Variants in CCSER1 observed in about 807,000 individuals in gnomAD.
The protein encoded by CCSER1 is coiled-coil serine rich protein 1.
Under a neutral mutation model 82.0 loss-of-function variants are expected in CCSER1, and 41 were observed. The observed-to-expected ratio is 0.50, with a 90% CI of 0.39 to 0.65. The LOEUF (loss-of-function observed/expected upper bound fraction) is 0.65, where lower values mean the gene tolerates loss of function less well. CCSER1 is among the 30% of genes least tolerant of loss of function. The probability of loss-of-function intolerance (pLI) is 0.00; values close to 1 mark genes in which losing one functional copy is unlikely to be tolerated. For missense variants in CCSER1, 1,119 were observed against 1,064.2 expected, an observed-to-expected ratio of 1.05 and a Z score of -0.72; for synonymous variants, 414 against 383.9, an observed-to-expected ratio of 1.08 and a Z score of -0.92.
At chr4:91,534,837 A>C (rs747360432) in intron 10 of CCSER1, among the ~76,000 whole-genome samples, 16 of 151,900 alleles carry the variant, frequency 1.1e-4, no homozygotes, top group Non-Finnish European at 1.8e-4. Flanking sequence ...TCAATCAATA[A>C]GTGAAATTAT....
intron 9 of CCSER1, among the ~76,000 whole-genome samples, chr4:90,974,937 A>G (rs1381896148): frequency 6.6e-6 from 1 of 151,406 alleles, no homozygotes; most frequent in Non-Finnish European, 1.5e-5. Context: ...CAGCATTATT[A>G]GTAGCCAAAT....
At chr4:90,567,541 C>T (rs1388116160) in intron 5 of CCSER1, among the ~76,000 whole-genome samples, 1 of 151,952 alleles carries the variant, frequency 6.6e-6, no homozygotes, top group Admixed American at 6.6e-5. Context: ...CTGCCTGCCT[C>T]GGCCTCCCAA....
intron 6 of CCSER1, among the ~76,000 whole-genome samples, chr4:90,650,279 G>A (rs980754315): frequency 2.0e-5 from 3 of 152,010 alleles, no homozygotes; most frequent in Non-Finnish European, 4.4e-5. Context: ...TGAAAACGAG[G>A]AAGAATCTTT....
intron 1 of CCSER1, among the ~76,000 whole-genome samples, chr4:90,280,075 A>G (rs544141929): frequency 5.3e-5 from 8 of 152,152 alleles, no homozygotes; most frequent in Non-Finnish European, 1.0e-4. Flanking sequence ...TTAATAAAAT[A>G]TGAAGTTATG....
At position 90,329,009 on chromosome 4, in the gene CCSER1, A is replaced by T. The variant is rs1738763853; in HGVS notation, c.1509+15962A>T. ...TTTTCCACACTTCTTTGTTTTTTAA[A>T]GGCTTTTGGTACCTCCTAATCTTTC... On this transcript the variant is annotated intron_variant, in intron 3 of 10. Coordinates refer to ENST00000509176, the MANE Select transcript of CCSER1 (RefSeq NM_001145065.2). 2.0e-5 allele frequency among the ~76,000 whole-genome samples: 3 copies of T among 152,352 alleles called. No homozygotes were observed. The South Asian group carries it at 6.2e-4, about 32-fold the overall frequency.
chr4:91,251,691 G>C (rs1332080351), intron 10 of CCSER1, among the ~76,000 whole-genome samples: 1 of 152,056 alleles, frequency 6.6e-6, no homozygotes, highest in Non-Finnish European at 1.5e-5. Context: ...CGACATAAAA[G>C]TTTCTCAATT....
intron 6 of CCSER1, among the ~76,000 whole-genome samples, chr4:90,687,882 A>T (rs1028907472): frequency 6.6e-6 from 1 of 152,156 alleles, no homozygotes; most frequent in Non-Finnish European, 1.5e-5. Context: ...CTGGAAAACA[A>T]GAGACAAAAA....
At chr4:91,296,530 AT>A (rs1744199263) in intron 10 of CCSER1, among the ~76,000 whole-genome samples, 2 of 146,348 alleles carry the variant, frequency 1.4e-5, no homozygotes, top group African/African-American at 5.0e-5. Flanking sequence ...AGATATAGAT[AT>A]AAAAATAACA....
intron 10 of CCSER1, among the ~76,000 whole-genome samples, chr4:91,187,077 GA>G (rs1183520413): frequency 6.6e-6 from 1 of 152,216 alleles, no homozygotes; most frequent in Non-Finnish European, 1.5e-5. Context: ...CCTTGGCTAG[GA>G]AAGGGAATTC....
At chr4:90,406,762 G>T (rs192389627) in intron 4 of CCSER1, among the ~76,000 whole-genome samples, 299 of 152,254 alleles carry the variant, frequency 2.0e-3, no homozygotes, top group Non-Finnish European at 3.4e-3. Context: ...TGATCATTGG[G>T]TGACTAATAA....
At chr4:91,541,914 G>A (rs1275188728) in intron 10 of CCSER1, among the ~76,000 whole-genome samples, 1 of 152,116 alleles carries the variant, frequency 6.6e-6, no homozygotes, top group Non-Finnish European at 1.5e-5. Flanking sequence ...TTTAATGACT[G>A]CCATTCTAAA....
intron 10 of CCSER1, among the ~76,000 whole-genome samples, chr4:91,185,235 C>G (rs1469672825): frequency 1.3e-5 from 2 of 152,208 alleles, no homozygotes; most frequent in East Asian, 3.9e-4. Flanking sequence ...TTTAATTTCA[C>G]TTTTTCCCAT....
intron 6 of CCSER1, among the ~76,000 whole-genome samples, chr4:90,683,943 C>T (rs1734344237): frequency 6.6e-6 from 1 of 152,050 alleles, no homozygotes. Context: ...TAACATATTT[C>T]TAAGCCTTCA....
At chr4:90,497,844 A>G (rs77466798) in intron 5 of CCSER1, among the ~76,000 whole-genome samples, 2,449 of 152,216 alleles carry the variant, frequency 0.016, 39 homozygotes, top group African/African-American at 0.047. Context: ...ATTCAGGTCT[A>G]GTATACCTGT....
chr4:90,468,445 G>A, intron 5 of CCSER1, 91 bp downstream of exon 5: 1 of 1,119,656 alleles, frequency 8.9e-7, no homozygotes, highest in Admixed American at 2.9e-5. Context: ...GTTAATATTA[G>A]TATAAAGAAA....
intron 8 of CCSER1, among the ~76,000 whole-genome samples, chr4:90,866,783 G>T (rs1765780267): frequency 6.6e-6 from 1 of 151,988 alleles, no homozygotes; most frequent in African/African-American, 2.4e-5. Context: ...ATGTATCGGG[G>T]GTGGAGCAGG....
intron 9 of CCSER1, among the ~76,000 whole-genome samples, chr4:90,946,714 G>A (rs59354577): frequency 0.016 from 2,373 of 151,914 alleles, 53 homozygotes; most frequent in African/African-American, 0.053. Context: ...TCAAACAAAT[G>A]GTGACATAAC....
chr4:90,234,016 A>G (rs1276325808), intron 1 of CCSER1, among the ~76,000 whole-genome samples: 1 of 152,208 alleles, frequency 6.6e-6, no homozygotes, highest in Non-Finnish European at 1.5e-5. Flanking sequence ...AAACATTTAA[A>G]AAATGTTGTG....
intron 9 of CCSER1, among the ~76,000 whole-genome samples, chr4:90,988,389 C>T (rs1736754905): frequency 6.9e-6 from 1 of 144,552 alleles, no homozygotes. Context: ...GCTTAAATAT[C>T]CTGGTCTTGA....
Sources: gnomAD v4.1 joint callset for allele counts (sites outside exome capture counted in the v4.1 genomes callset) on GRCh38, gnomAD v4.1.1 for gene constraint, MANE v1.5 for transcripts, NCBI Gene and HGNC (gene_info 2026-07-23, HGNC 2026-07-21) for gene names.